CRLF3: variants seen among roughly 807,000 people sequenced by gnomAD.
CRLF3 encodes the protein cytokine receptor like factor 3, also known as cytokine receptor-like factor 3.
A neutral mutation model predicts 55.0 loss-of-function variants in CRLF3; 33 were observed. The ratio of observed to expected loss-of-function variants is 0.60; its 90% CI spans 0.46 to 0.80. The LOEUF (loss-of-function observed/expected upper bound fraction) is 0.80, where lower values mean the gene tolerates loss of function less well. Ranked by LOEUF, CRLF3 falls within the 30% of genes least tolerant of loss-of-function variation. CRLF3 has a pLI of 0.00. For synonymous variants in CRLF3, 238 were observed against 196.8 expected (o/e 1.21, Z -1.75); for missense variants, 494 against 538.4 (o/e 0.92, Z 0.82).
intron 6 of CRLF3, chr17:30,790,680 G>C (rs1245473291): frequency 7.6e-6 from 1 of 132,224 alleles, no homozygotes; most frequent in Non-Finnish European, 1.6e-5. Context: ...GCAGTGGCAC[G>C]ATCTCTGCTC....
chr17:30,805,628 C>T (rs771696969), intron 1 of CRLF3, among the ~76,000 whole-genome samples: 3 of 149,580 alleles, frequency 2.0e-5, no homozygotes, highest in African/African-American at 4.9e-5. Context: ...GCAGGAGAAT[C>T]GGTTGAACCC....
At chr17:30,789,349 T>C (rs938992079) in intron 6 of CRLF3, among the ~76,000 whole-genome samples, 3 of 152,194 alleles carry the variant, frequency 2.0e-5, no homozygotes, top group Non-Finnish European at 4.4e-5. Context: ...CTGAATGGTC[T>C]AAGAAATAAA....
chr17:30,787,199 A>G (rs1262915061), intron 6 of CRLF3, among the ~76,000 whole-genome samples: 1 of 152,220 alleles, frequency 6.6e-6, no homozygotes, highest in Non-Finnish European at 1.5e-5. Context: ...TTCTAGCTCT[A>G]GACACATAGA....
intron 1 of CRLF3, among the ~76,000 whole-genome samples, chr17:30,817,249 G>C (rs1904835499): frequency 6.6e-6 from 1 of 151,978 alleles, no homozygotes. Context: ...ACCAGCATGG[G>C]CAATATGGTG....
intron 6 of CRLF3, among the ~76,000 whole-genome samples, chr17:30,788,847 C>A (rs1389404145): frequency 6.6e-6 from 1 of 151,936 alleles, no homozygotes; most frequent in Non-Finnish European, 1.5e-5. Flanking sequence ...ACCTCGTGAT[C>A]TGCCCACCTC....
At chr17:30,811,534 C>T (rs191253428) in intron 1 of CRLF3, among the ~76,000 whole-genome samples, 245 of 151,262 alleles carry the variant, frequency 1.6e-3, no homozygotes, top group Non-Finnish European at 2.7e-3. Context: ...CCGGGTACAG[C>T]GGCTCATGCC....
At chr17:30,788,325 CAAAAA>C (rs780693808) in intron 6 of CRLF3, among the ~76,000 whole-genome samples, 2 of 118,468 alleles carry the variant, frequency 1.7e-5, no homozygotes, top group Admixed American at 9.3e-5. Flanking sequence ...GACTTTGTCT[CAAAAA>C]AAAAAAAAGA....
chr17:30,810,546 A>G (rs1904580562), intron 1 of CRLF3, among the ~76,000 whole-genome samples: 1 of 152,024 alleles, frequency 6.6e-6, no homozygotes, highest in South Asian at 2.1e-4. Context: ...TGGGCAATAG[A>G]GCAAGACTCC....
At chr17:30,823,773 A>G (rs1023673628) in intron 1 of CRLF3, among the ~76,000 whole-genome samples, 1 of 152,080 alleles carries the variant, frequency 6.6e-6, no homozygotes, top group Admixed American at 6.6e-5. Flanking sequence ...ACCACTTGAA[A>G]TTATATTTAG....
intron 2 of CRLF3, chr17:30,803,555 A>C (rs1972038728): frequency 4.7e-6 from 1 of 211,822 alleles, no homozygotes; most frequent in Admixed American, 5.4e-5. Flanking sequence ...CTCATCTCGA[A>C]TTGTACTCCC....
chr17:30,797,778 T>TTG (rs1290836591), intron 2 of CRLF3, among the ~76,000 whole-genome samples: 1 of 141,994 alleles, frequency 7.0e-6, no homozygotes, highest in Non-Finnish European at 1.5e-5. Flanking sequence ...ATAGGGTGTT[T>TTG]TTTTTTTTTT....
chr17:30,793,191 C>T (rs1567660987), intron 5 of CRLF3, among the ~76,000 whole-genome samples: 16 of 152,046 alleles, frequency 1.1e-4, no homozygotes, highest in Admixed American at 8.5e-4. Flanking sequence ...AAAGGAATAT[C>T]AGTGCCCTAC....
intron 6 of CRLF3, among the ~76,000 whole-genome samples, chr17:30,788,103 C>A (rs576721097): frequency 6.6e-6 from 1 of 151,724 alleles, no homozygotes; most frequent in African/African-American, 2.4e-5. Flanking sequence ...CCGAGGTGGG[C>A]GGATCACAAA....
chr17:30,805,565 T>TA (rs1904370834), intron 1 of CRLF3, among the ~76,000 whole-genome samples: 2 of 151,876 alleles, frequency 1.3e-5, no homozygotes, highest in African/African-American at 4.8e-5. Context: ...CACAAAAAAA[T>TA]TAGCTGAGTT....
At position 30,783,803 on chromosome 17, in the gene CRLF3, T is replaced by C. The variant is rs1025620455; in HGVS notation, c.*384A>G. On this transcript the variant is annotated 3_prime_UTR_variant, in exon 8 of 8. Transcript: ENST00000324238. ...TCTATCTGACCTATTCCTCTTGTTC[T>C]AAAGAGTTACATGGACTTGGATCCT... 5.8e-6 allele frequency: 1 copy of C among 173,332 alleles called. No individual in the cohort carries two copies. The highest frequency in any genetic ancestry group is 5.7e-5 in the Admixed American group (1 of 17,666). The allele number at this position is 173,332 out of a possible 1,614,324, so 10.7% of individuals were successfully genotyped here. A position where few individuals can be genotyped will look rare whatever the true frequency, so the allele number is the denominator to read the frequency against.
chr17:30,818,966 C>A (rs1904901120), intron 1 of CRLF3, among the ~76,000 whole-genome samples: 1 of 151,984 alleles, frequency 6.6e-6, no homozygotes, highest in Non-Finnish European at 1.5e-5. Flanking sequence ...CAGGTGCATT[C>A]CACCACACCT....
At chr17:30,823,970 C>T (rs1778451722) in intron 1 of CRLF3, among the ~76,000 whole-genome samples, 1 of 152,106 alleles carries the variant, frequency 6.6e-6, no homozygotes, top group Non-Finnish European at 1.5e-5. Context: ...CATTCAAGAT[C>T]GTATGACATA....
intron 4 of CRLF3, among the ~76,000 whole-genome samples, chr17:30,794,073 ATCT>A (rs573698543): frequency 1.2e-3 from 178 of 152,190 alleles, no homozygotes; most frequent in Non-Finnish European, 2.0e-3. Flanking sequence ...AGCTCAAGCA[ATCT>A]TCTCGTCTCA....
chr17:30,808,418 G>A (rs1331179230), intron 1 of CRLF3, among the ~76,000 whole-genome samples: 1 of 150,706 alleles, frequency 6.6e-6, no homozygotes, highest in Non-Finnish European at 1.5e-5. Context: ...CTCCTGAGTA[G>A]CTGGGATTAC....
Sources: gnomAD v4.1 joint callset for allele counts (sites outside exome capture counted in the v4.1 genomes callset) on GRCh38, gnomAD v4.1.1 for gene constraint, MANE v1.5 for transcripts, NCBI Gene and HGNC (gene_info 2026-07-23, HGNC 2026-07-21) for gene names.